EBF1: variants seen among roughly 807,000 people sequenced by gnomAD.
EBF1 encodes the protein transcription factor COE1.
Under a neutral mutation model 68.4 loss-of-function variants are expected in EBF1, and 10 were observed. That is an observed-to-expected ratio of 0.15 (90% CI 0.09 to 0.25). The LOEUF (loss-of-function observed/expected upper bound fraction) is 0.25, where lower values mean the gene tolerates loss of function less well. EBF1 is among the 10% of genes least tolerant of loss of function. The pLI is 1.00. For synonymous variants in EBF1, 298 were observed against 299.8 expected, an observed-to-expected ratio of 0.99 and a Z score of 0.06; for missense variants, 509 against 794.4, an observed-to-expected ratio of 0.64 and a Z score of 4.32.
intron 6 of EBF1, among the ~76,000 whole-genome samples, chr5:158,913,051 A>G (rs1000641775): frequency 2.6e-5 from 4 of 152,224 alleles, no homozygotes; most frequent in African/African-American, 9.6e-5. Context: ...ATTCATCACC[A>G]GAAATACTGC....
At chr5:159,075,535 A>C (rs546741802) in intron 5 of EBF1, among the ~76,000 whole-genome samples, 12 of 152,262 alleles carry the variant, frequency 7.9e-5, no homozygotes, top group African/African-American at 2.6e-4. Context: ...CTTGCTGATA[A>C]CCATGCACAA....
rs564355583 is a variant in EBF1 at position 158,918,018 on chromosome 5, AAGAG to A, written c.555-77912_555-77909del. ...AGAACACTGAGGCCATTGAAGACAG[AAGAG>A]AGAGAGAAGGCAAGTGGCAGGGCTC... is the stretch of plus-strand genomic sequence containing the variant. On this transcript the variant is annotated intron_variant, in intron 6 of 15. Coordinates refer to ENST00000313708, the MANE Select transcript of EBF1 (RefSeq NM_024007.5). 5.3e-5 allele frequency among the ~76,000 whole-genome samples: 8 copies of A among 152,242 alleles called. No individual in the cohort carries two copies. In the East Asian group the frequency reaches 1.4e-3, roughly 26 times the overall value.
intron 6 of EBF1, among the ~76,000 whole-genome samples, chr5:158,843,269 C>T (rs1283241269): frequency 6.6e-6 from 1 of 152,190 alleles, no homozygotes; most frequent in African/African-American, 2.4e-5. Flanking sequence ...CACCCTCTGG[C>T]TTCTTCAAGT....
intron 14 of EBF1, among the ~76,000 whole-genome samples, chr5:158,708,939 A>C (rs907421119): frequency 6.6e-6 from 1 of 152,242 alleles, no homozygotes; most frequent in African/African-American, 2.4e-5. Flanking sequence ...GTAGGGATGC[A>C]GATAACCAAT....
chr5:158,954,046 T>G (rs1583438205), intron 6 of EBF1, among the ~76,000 whole-genome samples: 1 of 152,356 alleles, frequency 6.6e-6, no homozygotes, highest in East Asian at 1.9e-4. Context: ...TTCTCAGGTT[T>G]AGGGAACTGA....
At chr5:159,007,105 T>C (rs1237322380) in intron 6 of EBF1, among the ~76,000 whole-genome samples, 2 of 152,166 alleles carry the variant, frequency 1.3e-5, no homozygotes, top group Admixed American at 6.5e-5. Flanking sequence ...AAAATTATCA[T>C]TGTCAATACA....
intron 11 of EBF1, among the ~76,000 whole-genome samples, chr5:158,721,819 T>C (rs1469403684): frequency 6.6e-6 from 1 of 152,160 alleles, no homozygotes; most frequent in Non-Finnish European, 1.5e-5. Flanking sequence ...ACCAAAATGT[T>C]CGACTTTTCA....
At chr5:158,956,979 C>T (rs1452615382) in intron 6 of EBF1, among the ~76,000 whole-genome samples, 2 of 152,066 alleles carry the variant, frequency 1.3e-5, no homozygotes, top group African/African-American at 2.4e-5. Flanking sequence ...AAGATGGTCT[C>T]GATCTCCTGA....
At chr5:158,848,884 T>A (rs1792057885) in intron 6 of EBF1, among the ~76,000 whole-genome samples, 1 of 152,208 alleles carries the variant, frequency 6.6e-6, no homozygotes, top group African/African-American at 2.4e-5. Context: ...AAGTCCACAG[T>A]AACTGAGGCA....
intron 6 of EBF1, among the ~76,000 whole-genome samples, chr5:159,059,688 T>C (rs1003985807): frequency 9.2e-5 from 14 of 152,246 alleles, no homozygotes; most frequent in Admixed American, 8.5e-4. Context: ...ATTACTTGTA[T>C]AGATGTTTGC....
rs5872583 is a variant in EBF1 at position 159,052,351 on chromosome 5, G to GAAA, written c.554+21042_554+21044dup. Among the ~76,000 whole-genome samples, 282 of 143,156 alleles carry GAAA rather than the reference G, an allele frequency of 2.0e-3. 3 individuals carry two copies. Among genetic ancestry groups the GAAA allele is most frequent in the African/African-American group, 6.4e-3 (248 of 38,980 alleles). 93.9% of individuals were successfully genotyped at this position (143,156 alleles called of 152,430 possible). On this transcript the variant is annotated intron_variant, in intron 6 of 15. Coordinates refer to ENST00000313708, the MANE Select transcript of EBF1 (RefSeq NM_024007.5). The stretch of plus-strand genomic sequence containing the variant: ...ATTAGACTCCATTCCAAAAGATATA[G>GAAA]AAAAAAAAAAAAAACCACAGCAAAA...
intron 6 of EBF1, among the ~76,000 whole-genome samples, chr5:159,009,907 G>C (rs531964765): frequency 6.6e-6 from 1 of 152,152 alleles, no homozygotes; most frequent in Non-Finnish European, 1.5e-5. Flanking sequence ...ATAATTTGTG[G>C]TTAGATTTTG....
chr5:158,765,566 G>A (rs750677697), intron 10 of EBF1, among the ~76,000 whole-genome samples: 6 of 152,114 alleles, frequency 3.9e-5, no homozygotes, highest in East Asian at 1.9e-4. Flanking sequence ...CCTTCCACCC[G>A]TGATGTAAAG....
At position 158,712,310 on chromosome 5, in the gene EBF1, C is replaced by A. The variant is rs913725865; in HGVS notation, c.1393G>T (p.Val465Leu). 1.2e-6 allele frequency: 2 copies of A among 1,613,828 alleles called. No individual in the cohort carries two copies. Among genetic ancestry groups the A allele is most frequent in the South Asian group, 2.2e-5 (2 of 91,012 alleles). ...CTCGGCACGTACCCGTGTGGTGATACGCTGCTTGAGTTGCGGGTGAAACCT... is the reference window on the plus strand; with the variant it reads ...CTCGGCACGTACCCGTGTGGTGATAAGCTGCTTGAGTTGCGGGTGAAACCT... ...NQGFTRNSSSVSPHGYVPSTT... is the reference protein window; with the variant it reads ...NQGFTRNSSSLSPHGYVPSTT... The change falls in exon 14 of 16, where the codon GTA becomes TTA. Residue 465 changes from valine to leucine, a missense_variant. By Grantham distance (32) the Val-to-Leu change is conservative. Coordinates refer to ENST00000313708, the MANE Select transcript of EBF1 (RefSeq NM_024007.5).
intron 10 of EBF1, 125 bp from the exon 11 acceptor site, chr5:158,731,282 AC>A: frequency 1.1e-6 from 1 of 897,910 alleles, no homozygotes; most frequent in Non-Finnish European, 1.7e-6. Flanking sequence ...GAATTGGATC[AC>A]AAGATGGTTG....
At chr5:158,973,032 C>A (rs539487205) in intron 6 of EBF1, among the ~76,000 whole-genome samples, 159 of 152,316 alleles carry the variant, frequency 1.0e-3, no homozygotes, top group African/African-American at 3.7e-3. Context: ...CCAAATATTT[C>A]TTCACCCTAT....
chr5:158,929,283 C>T (rs1468568225), intron 6 of EBF1, among the ~76,000 whole-genome samples: 1 of 152,128 alleles, frequency 6.6e-6, no homozygotes, highest in East Asian at 1.9e-4. Context: ...AACTTCAGTG[C>T]CTAAATTATC....
chr5:158,942,384 G>C (rs1316290359), intron 6 of EBF1, among the ~76,000 whole-genome samples: 1 of 152,192 alleles, frequency 6.6e-6, no homozygotes, highest in Admixed American at 6.5e-5. Context: ...CCTTGGGCAA[G>C]TTACTTCAGC....
At chr5:158,971,849 C>T (rs886545088) in intron 6 of EBF1, among the ~76,000 whole-genome samples, 34 of 152,134 alleles carry the variant, frequency 2.2e-4, no homozygotes, top group Admixed American at 2.0e-3. Context: ...ACCTAAAGTC[C>T]ATAACATTGA....
Sources: gnomAD v4.1 joint callset for allele counts (sites outside exome capture counted in the v4.1 genomes callset) on GRCh38, gnomAD v4.1.1 for gene constraint, MANE v1.5 for transcripts, NCBI Gene and HGNC (gene_info 2026-07-23, HGNC 2026-07-21) for gene names.